CHRNA7: variants seen among roughly 807,000 people sequenced by gnomAD.
The protein encoded by CHRNA7 is cholinergic receptor nicotinic alpha 7 subunit, also known as neuronal acetylcholine receptor subunit alpha-7.
A neutral mutation model predicts 48.0 loss-of-function variants in CHRNA7; 17 were observed. The ratio of observed to expected loss-of-function variants is 0.35; its 90% CI spans 0.24 to 0.53. The LOEUF (loss-of-function observed/expected upper bound fraction) is 0.53. Among genes scored for constraint, CHRNA7 ranks in the 20% least tolerant of loss-of-function variants. The pLI is 0.92. For missense variants in CHRNA7, 155 were observed against 577.7 expected (o/e 0.27, Z 7.50); for synonymous variants, 75 against 242.3 (o/e 0.31, Z 6.41).
chr15:32,051,985 A>T (rs766112472), intron 2 of CHRNA7, among the ~76,000 whole-genome samples: 1 of 152,124 alleles, frequency 6.6e-6, no homozygotes, highest in East Asian at 1.9e-4. Context: ...CCCTCTCTTC[A>T]GTAAGTCTTG....
chr15:32,118,261 A>G (rs960752817), intron 4 of CHRNA7, among the ~76,000 whole-genome samples: 1 of 152,124 alleles, frequency 6.6e-6, no homozygotes, highest in African/African-American at 2.4e-5. Flanking sequence ...TTGACCTCGG[A>G]CTCCCAGCAT....
At chr15:32,077,611 A>T (rs1247480187) in intron 2 of CHRNA7, among the ~76,000 whole-genome samples, 1 of 152,170 alleles carries the variant, frequency 6.6e-6, no homozygotes, top group Non-Finnish European at 1.5e-5. Flanking sequence ...ATCAGTTAAG[A>T]TCTGTCTTAG....
chr15:32,111,918 G>C lies in CHRNA7; in HGVS notation c.350+19G>C. ...ATAACAGGTAAGCATATTGAACAAA[G>C]GAAAAAAATGATTTTATGCTTGCAT... On this transcript the variant is annotated intron_variant, in intron 4 of 9. Coordinates refer to ENST00000306901, the MANE Select transcript of CHRNA7 (RefSeq NM_000746.6). 1 of 1,391,364 alleles carries C rather than the reference G, an allele frequency of 7.2e-7. No homozygotes were observed. Among genetic ancestry groups the C allele is most frequent in the Admixed American group, 1.7e-5 (1 of 58,912 alleles). 86.2% of individuals were successfully genotyped at this position (1,391,364 alleles called of 1,614,324 possible).
At chr15:32,049,945 C>G (rs147720114) in intron 2 of CHRNA7, among the ~76,000 whole-genome samples, 1 of 152,122 alleles carries the variant, frequency 6.6e-6, no homozygotes, top group African/African-American at 2.4e-5. Flanking sequence ...GGTGAAAATT[C>G]TTTTCTTTGA....
chr15:32,045,637 A>G (rs1446073010), intron 2 of CHRNA7, among the ~76,000 whole-genome samples: 1 of 151,250 alleles, frequency 6.6e-6, no homozygotes, highest in Non-Finnish European at 1.5e-5. Flanking sequence ...CCCGGGTTCC[A>G]GTGATTCTCC....
intron 4 of CHRNA7, among the ~76,000 whole-genome samples, chr15:32,123,964 C>CAAAA (rs57791060): frequency 8.5e-5 from 4 of 47,142 alleles, no homozygotes; most frequent in Non-Finnish European, 9.8e-5. Context: ...AAAATCTGGC[C>CAAAA]AAAAAAAAAA....
chr15:32,147,001 A>G (rs2051502435), intron 4 of CHRNA7, among the ~76,000 whole-genome samples: 2 of 152,248 alleles, frequency 1.3e-5, no homozygotes, highest in Admixed American at 1.3e-4. Context: ...GGTCAGGGAT[A>G]GACATGTAAC....
intron 2 of CHRNA7, among the ~76,000 whole-genome samples, chr15:32,068,921 G>T (rs1161884623): frequency 3.9e-5 from 6 of 152,106 alleles, no homozygotes; most frequent in Non-Finnish European, 8.8e-5. Context: ...GAAGACTTCG[G>T]TACCCCTCTT....
At chr15:32,039,302 A>G (rs1293964229) in intron 2 of CHRNA7, among the ~76,000 whole-genome samples, 1 of 151,682 alleles carries the variant, frequency 6.6e-6, no homozygotes, top group East Asian at 1.9e-4. Context: ...CTTATTTTGG[A>G]CTTAATTTGC....
intron 2 of CHRNA7, among the ~76,000 whole-genome samples, chr15:32,065,479 C>G (rs1248683192): frequency 6.6e-6 from 1 of 152,218 alleles, no homozygotes; most frequent in Non-Finnish European, 1.5e-5. Context: ...ATTGCTTAAC[C>G]TTGGGGCTGC....
chr15:32,134,157 T>G (rs1046367464), intron 4 of CHRNA7, among the ~76,000 whole-genome samples: 1 of 151,470 alleles, frequency 6.6e-6, no homozygotes, highest in East Asian at 1.9e-4. Flanking sequence ...TGGGTTTTTT[T>G]GTGTGTTTTT....
At chr15:32,051,390 G>A (rs1282497303) in intron 2 of CHRNA7, among the ~76,000 whole-genome samples, 3 of 152,184 alleles carry the variant, frequency 2.0e-5, no homozygotes, top group African/African-American at 7.2e-5. Flanking sequence ...AAGCCTTGCA[G>A]TTTGATCTCA....
chr15:32,040,898 AT>A (rs1418768231), intron 2 of CHRNA7, among the ~76,000 whole-genome samples: 3 of 151,150 alleles, frequency 2.0e-5, no homozygotes, highest in African/African-American at 4.9e-5. Context: ...CTGAGAATGT[AT>A]TTTTTTTCCT....
At chr15:32,105,383 A>T (rs1278847986) in intron 3 of CHRNA7, among the ~76,000 whole-genome samples, 1 of 151,444 alleles carries the variant, frequency 6.6e-6, no homozygotes, top group Admixed American at 6.6e-5. Context: ...GGAGGAAAAA[A>T]GGAGGAAAAA....
intron 4 of CHRNA7, among the ~76,000 whole-genome samples, chr15:32,129,030 C>G (rs1566859985): frequency 6.6e-6 from 1 of 151,756 alleles, no homozygotes; most frequent in Non-Finnish European, 1.5e-5. Context: ...ATTTTTCTTC[C>G]TTGGCATCTT....
At chr15:32,035,329 A>G (rs928374081) in intron 2 of CHRNA7, among the ~76,000 whole-genome samples, 1 of 152,230 alleles carries the variant, frequency 6.6e-6, no homozygotes, top group African/African-American at 2.4e-5. Flanking sequence ...AGTGATTTGC[A>G]TAAAATAAAT....
At chr15:32,040,906 T>C (rs942280598) in intron 2 of CHRNA7, among the ~76,000 whole-genome samples, 2 of 152,074 alleles carry the variant, frequency 1.3e-5, no homozygotes, top group Non-Finnish European at 2.9e-5. Flanking sequence ...GTATTTTTTT[T>C]CCTTATCTTT....
At chr15:32,166,573 T>G (rs2052161510) in intron 9 of CHRNA7, 1 of 152,162 alleles carries the variant, frequency 6.6e-6, no homozygotes, top group Non-Finnish European at 1.5e-5. Flanking sequence ...AGATACGAAC[T>G]GCACAATTTA....
intron 4 of CHRNA7, among the ~76,000 whole-genome samples, chr15:32,148,157 G>A (rs984653858): frequency 1.3e-5 from 2 of 152,184 alleles, no homozygotes; most frequent in African/African-American, 4.8e-5. Flanking sequence ...GAACCCATGC[G>A]AAGCATTTTC....
Sources: gnomAD v4.1 joint callset for allele counts (sites outside exome capture counted in the v4.1 genomes callset) on GRCh38, gnomAD v4.1.1 for gene constraint, MANE v1.5 for transcripts, NCBI Gene and HGNC (gene_info 2026-07-23, HGNC 2026-07-21) for gene names.